MAX: variants seen among roughly 807,000 people sequenced by gnomAD.
MAX encodes the protein protein max.
In MAX, 3 loss-of-function variants were observed where a neutral mutation model predicts 22.3. That is an observed-to-expected ratio of 0.13 (90% CI 0.06 to 0.35). The LOEUF is 0.35. Among genes scored for constraint, MAX ranks in the 10% least tolerant of loss-of-function variants. The pLI is 1.00. For missense variants in MAX, 119 were observed against 209.4 expected (o/e 0.57, Z 2.66); for synonymous variants, 72 against 77.7 (o/e 0.93, Z 0.39).
chr14:65,061,414 C>G (rs2062863429), intron 3 of MAX: 1 of 1,496,126 alleles, frequency 6.7e-7, no homozygotes, highest in Non-Finnish European at 8.9e-7. Flanking sequence ...AAGCCTTAGC[C>G]TCAGTGGAGC....
At position 65,020,138 on chromosome 14, in the gene MAX, G is replaced by A. The variant is rs3783716; in HGVS notation, c.172-13854C>T. On this transcript the variant is annotated intron_variant, in intron 3 of 3. Coordinates refer to the MAX transcript ENST00000341653. The stretch of plus-strand genomic sequence containing the variant: ...ACTGCTGTGCTTCTATTTGTTTAGG[G>A]AACAATATGATAAGCTGGGTTCCCT... 6.5e-3 allele frequency among the ~76,000 whole-genome samples: 985 copies of A among 152,208 alleles called. 17 individuals are homozygous for A. The highest frequency in any genetic ancestry group is 0.043 in the South Asian group (209 of 4,816).
intron 3 of MAX, among the ~76,000 whole-genome samples, chr14:65,056,290 C>T (rs1378762907): frequency 6.6e-6 from 1 of 152,068 alleles, no homozygotes; most frequent in Admixed American, 6.6e-5. Flanking sequence ...TAAATGTACC[C>T]CAGTGTGTTT....
At chr14:65,019,463 G>T (rs1489577391) in intron 3 of MAX, among the ~76,000 whole-genome samples, 1 of 152,044 alleles carries the variant, frequency 6.6e-6, no homozygotes, top group Non-Finnish European at 1.5e-5. Flanking sequence ...CTCCAGCCTG[G>T]GTAACAGAAG....
intron 3 of MAX, among the ~76,000 whole-genome samples, chr14:65,053,528 T>C (rs2296316): frequency 0.6 from 90,291 of 151,690 alleles, 29,583 homozygotes; most frequent in African/African-American, 0.89. Context: ...GCCATTGATC[T>C]TGGCACCTCC....
chr14:65,066,209 G>A (rs1315774526), intron 3 of MAX, among the ~76,000 whole-genome samples: 1 of 152,222 alleles, frequency 6.6e-6, no homozygotes, highest in African/African-American at 2.4e-5. Context: ...CCAAGTGTGT[G>A]GCCACACCAG....
rs1220373905 is a variant in MAX, at chr14:65,011,739, G to A, written c.172-5455C>T. ...CAGTATTGCTGACTTGAAAGCCAAG[G>A]ACAGCGACTGGCTGCAGAACACGGT... is the stretch of plus-strand genomic sequence containing the variant. On this transcript the variant is annotated intron_variant, in intron 3 of 3. Transcript: ENST00000341653. The surrounding 1 kb of genome is among the most constrained non-coding windows in gnomAD (Gnocchi z 4.0). 6.6e-6 allele frequency among the ~76,000 whole-genome samples: 1 copy of A among 152,228 alleles called. No homozygotes were observed. Among genetic ancestry groups the A allele is most frequent in the Non-Finnish European group, 1.5e-5 (1 of 68,048 alleles).
chr14:65,021,907 A>G (rs1009098235), intron 3 of MAX: 7 of 455,748 alleles, frequency 1.5e-5, no homozygotes, highest in South Asian at 3.1e-5. Flanking sequence ...CGGCCTCCCA[A>G]AGTGCTAGGA....
At chr14:65,015,618 C>A in intron 3 of MAX, 1 of 1,614,084 alleles carries the variant, frequency 6.2e-7, no homozygotes, top group South Asian at 1.1e-5. Flanking sequence ...TCCTGTCTCT[C>A]TCCCAGTGTC....
At chr14:65,021,756 G>A (rs2061890082) in intron 3 of MAX, among the ~76,000 whole-genome samples, 1 of 152,052 alleles carries the variant, frequency 6.6e-6, no homozygotes, top group Non-Finnish European at 1.5e-5. Flanking sequence ...AGCGATTCTC[G>A]TGCTTCAGCC....
At chr14:65,055,592 C>A (rs917701614) in intron 3 of MAX, among the ~76,000 whole-genome samples, 2 of 152,026 alleles carry the variant, frequency 1.3e-5, no homozygotes, top group African/African-American at 2.4e-5. Context: ...TATTGGCTCA[C>A]TGCAACCTCC....
intron 3 of MAX, among the ~76,000 whole-genome samples, chr14:65,025,447 A>G (rs542789629): frequency 4.3e-4 from 65 of 152,332 alleles, no homozygotes; most frequent in Admixed American, 1.9e-3. Context: ...TTTCTGGGAA[A>G]TGTCATAAGA....
In MAX at chr14:65,011,924, G is replaced by A. The variant is rs915883136; in HGVS notation, c.172-5640C>T. ...ACAGCGGCTGAGGCAGGGAAGTGGC[G>A]AGGCTCAGATTTAAATTGCTTATAG... is the stretch of plus-strand genomic sequence containing the variant. On this transcript the variant is annotated intron_variant, in intron 3 of 3. Coordinates refer to the MAX transcript ENST00000341653. This position sits in a 1 kb window ranked among gnomAD's most constrained non-coding sequence, Gnocchi z 4.0. 1.3e-5 allele frequency among the ~76,000 whole-genome samples: 2 copies of A among 152,144 alleles called. No homozygotes were observed. The highest frequency in any genetic ancestry group is 2.1e-4 in the South Asian group (1 of 4,820).
At chr14:65,008,353 A>G (rs766161361) in intron 3 of MAX, among the ~76,000 whole-genome samples, 3 of 152,182 alleles carry the variant, frequency 2.0e-5, no homozygotes, top group Non-Finnish European at 4.4e-5. Flanking sequence ...CCTCTCTTTC[A>G]GCAGCAGTAT....
At chr14:65,089,878 C>T (rs1191039754) in intron 3 of MAX, 1 of 145,504 alleles carries the variant, frequency 6.9e-6, no homozygotes, top group South Asian at 2.3e-4. Context: ...CTAATTCCAT[C>T]CTATTGTTCC....
rs2063113724 is a variant in MAX, at chr14:65,078,272, G to A, written c.172-236C>T. Among the ~76,000 whole-genome samples, 1 of 152,140 alleles carries A rather than the reference G, an allele frequency of 6.6e-6. No individual in the cohort carries two copies. Among genetic ancestry groups the A allele is most frequent in the African/African-American group, 2.4e-5 (1 of 41,414 alleles). Reference sequence around the variant, plus strand: ...GCTGGAGTGCAACAGCGTGATCTTGGCTGACAGCAACCTCCGCCTCCTGGG... The same window carrying A: ...GCTGGAGTGCAACAGCGTGATCTTGACTGACAGCAACCTCCGCCTCCTGGG... On this transcript the variant is annotated intron_variant, in intron 3 of 4. Coordinates refer to ENST00000358664, the MANE Select transcript of MAX (RefSeq NM_002382.5). The surrounding 1 kb of genome is among the most constrained non-coding windows in gnomAD (Gnocchi z 6.4).
At position 65,075,791 on chromosome 14, in the gene MAX, G is replaced by C; in HGVS notation, c.*685C>G. 1 of 1,066,724 alleles carries C rather than the reference G, an allele frequency of 9.4e-7. No individual in the cohort carries two copies. Among genetic ancestry groups the C allele is most frequent in the African/African-American group, 1.6e-5 (1 of 61,198 alleles). The allele number at this position is 1,066,724 out of a possible 1,614,324, so 66.1% of individuals were successfully genotyped here. A position where few individuals can be genotyped will look rare whatever the true frequency, so the allele number is the denominator to read the frequency against. On this transcript the variant is annotated 3_prime_UTR_variant, in exon 5 of 5. Transcript: ENST00000358664. The surrounding 1 kb of genome is among the most constrained non-coding windows in gnomAD (Gnocchi z 4.1). ...ATACATACCACGAGAGTGTCACACG[G>C]CCCTCCGTGAGGCTGGCGCCGCAGG...
intron 3 of MAX, among the ~76,000 whole-genome samples, chr14:65,058,379 T>A (rs1041946366): frequency 2.6e-5 from 4 of 152,158 alleles, no homozygotes; most frequent in Non-Finnish European, 5.9e-5. Flanking sequence ...GCTAATAATA[T>A]TTATAAATCT....
chr14:65,087,799 T>C (rs1005992159), intron 3 of MAX, among the ~76,000 whole-genome samples: 5 of 152,162 alleles, frequency 3.3e-5, no homozygotes, highest in Non-Finnish European at 7.4e-5. Flanking sequence ...TGTGAGGACA[T>C]GAGATTTGGG....
intron 3 of MAX, among the ~76,000 whole-genome samples, chr14:65,040,283 G>GTATATATATATATGTATATATATGTGTA (rs1566565358): frequency 4.8e-5 from 7 of 147,014 alleles, no homozygotes; most frequent in African/African-American, 1.5e-4. Context: ...ATATATGTGT[G>GTATATATATATATGTATATATATGTGTA]TATATATATA....
Sources: allele counts gnomAD v4.1 joint callset (sites outside exome capture counted in the v4.1 genomes callset), GRCh38; gene constraint gnomAD v4.1.1; non-coding constraint Gnocchi (gnomAD v3.1); transcripts MANE v1.5; gene names NCBI Gene and HGNC (gene_info 2026-07-23, HGNC 2026-07-21).